Variants in SYNDIG1 observed in about 807,000 individuals in gnomAD.
SYNDIG1 encodes synapse differentiation inducing 1.
SYNDIG1 carries 9 observed loss-of-function variants against 19.4 expected under a neutral mutation model. The observed-to-expected ratio is 0.46, with a 90% CI of 0.28 to 0.81. The LOEUF is 0.81. Ranked by LOEUF, SYNDIG1 falls within the 30% of genes least tolerant of loss-of-function variation. The pLI is 0.12. For missense variants in SYNDIG1, 311 were observed against 343.3 expected, an observed-to-expected ratio of 0.91 and a Z score of 0.74; for synonymous variants, 141 against 145.9, an observed-to-expected ratio of 0.97 and a Z score of 0.24.
chr20:24,527,998 T>C (rs1417965713), intron 1 of SYNDIG1, among the ~76,000 whole-genome samples: 1 of 152,210 alleles, frequency 6.6e-6, no homozygotes, highest in African/African-American at 2.4e-5. Flanking sequence ...TTACTATTAC[T>C]GTTACTGTTG....
chr20:24,546,258 C>T (rs1600582537), intron 2 of SYNDIG1, among the ~76,000 whole-genome samples: 1 of 152,182 alleles, frequency 6.6e-6, no homozygotes, highest in African/African-American at 2.4e-5. Flanking sequence ...CATGCAGTAG[C>T]TGTTCTTTGG....
chr20:24,567,270 C>A (rs994867435), intron 2 of SYNDIG1, among the ~76,000 whole-genome samples: 4 of 152,208 alleles, frequency 2.6e-5, no homozygotes, highest in African/African-American at 9.7e-5. Flanking sequence ...TCCACACAGG[C>A]AGAGTAAACA....
chr20:24,532,778 C>T (rs1255720737), intron 1 of SYNDIG1, among the ~76,000 whole-genome samples: 2 of 152,258 alleles, frequency 1.3e-5, no homozygotes, highest in East Asian at 3.8e-4. Flanking sequence ...CTGGGGTCTT[C>T]TGCTCCATGA....
At chr20:24,611,987 T>C (rs2058855542) in intron 3 of SYNDIG1, among the ~76,000 whole-genome samples, 1 of 152,230 alleles carries the variant, frequency 6.6e-6, no homozygotes, top group Non-Finnish European at 1.5e-5. Flanking sequence ...TCCAGTTCCA[T>C]TGCATAGCTG....
At chr20:24,660,070 A>G (rs1293400666) in intron 3 of SYNDIG1, among the ~76,000 whole-genome samples, 2 of 152,036 alleles carry the variant, frequency 1.3e-5, no homozygotes, top group African/African-American at 4.8e-5. Flanking sequence ...TTTGTTCATC[A>G]CTGTGTCTCT....
chr20:24,621,022 G>A (rs1246824430), intron 3 of SYNDIG1, among the ~76,000 whole-genome samples: 1 of 152,190 alleles, frequency 6.6e-6, no homozygotes, highest in Non-Finnish European at 1.5e-5. Context: ...GGAGATAAAA[G>A]GGCTAAGAAT....
rs1271919094 is a variant in SYNDIG1, at chr20:24,542,159, A to G, written c.-78-861A>G. On this transcript the variant is annotated intron_variant, in intron 1 of 3. Transcript: ENST00000376862. ...ACTTAGTCATAATTTATGATACTCA[A>G]AATTGAAAAAATTCACTTCAATAAG... 2.1e-5 allele frequency among the ~76,000 whole-genome samples: 3 copies of G among 142,576 alleles called. No homozygotes were observed. In the Admixed American group the frequency reaches 2.2e-4, roughly 10 times the overall value. 93.5% of individuals were successfully genotyped at this position (142,576 alleles called of 152,430 possible). A position where few individuals can be genotyped will look rare whatever the true frequency, so the allele number is the denominator to read the frequency against.
At chr20:24,553,240 T>A (rs2057742205) in intron 2 of SYNDIG1, among the ~76,000 whole-genome samples, 1 of 152,058 alleles carries the variant, frequency 6.6e-6, no homozygotes, top group South Asian at 2.1e-4. Context: ...GTTGCGAAAA[T>A]TTTCTCCCAT....
chr20:24,489,826 C>T (rs372910348), intron 1 of SYNDIG1, among the ~76,000 whole-genome samples: 1 of 152,256 alleles, frequency 6.6e-6, no homozygotes, highest in Non-Finnish European at 1.5e-5. Flanking sequence ...ACTCGAGCAG[C>T]AAGTCAAGAA....
At chr20:24,632,414 A>G (rs751920500) in intron 3 of SYNDIG1, among the ~76,000 whole-genome samples, 26 of 151,970 alleles carry the variant, frequency 1.7e-4, no homozygotes, top group Admixed American at 3.3e-4. Flanking sequence ...TGAATTTTGT[A>G]TTTTCAGTAG....
intron 2 of SYNDIG1, among the ~76,000 whole-genome samples, chr20:24,557,009 T>C (rs181200117): frequency 2.3e-4 from 35 of 152,318 alleles, no homozygotes; most frequent in Admixed American, 1.9e-3. Flanking sequence ...TCATTTCTTT[T>C]TATTCTTTTT....
chr20:24,660,411 G>A lies in SYNDIG1; in HGVS notation c.619-4935G>A, dbSNP rs1048825257. On this transcript the variant is annotated intron_variant, in intron 3 of 3. Transcript: ENST00000376862. Reference sequence around the variant, plus strand: ...CACATTGTCTGTGACACTTCCTGTTGCCTCTTGGCCTTGCTGGAGGGTCCA... The same window carrying A: ...CACATTGTCTGTGACACTTCCTGTTACCTCTTGGCCTTGCTGGAGGGTCCA... Among the ~76,000 whole-genome samples the A allele has an allele frequency of 2.0e-5, 3 of 152,176 alleles. No individual in the cohort carries two copies. In the South Asian group the frequency reaches 6.2e-4, roughly 32 times the overall value.
chr20:24,489,664 T>A (rs1207120855), intron 1 of SYNDIG1, among the ~76,000 whole-genome samples: 1 of 152,060 alleles, frequency 6.6e-6, no homozygotes, highest in Non-Finnish European at 1.5e-5. Context: ...CACACACTTA[T>A]ATGGACACAG....
chr20:24,586,027 G>C (rs527588285), intron 3 of SYNDIG1, among the ~76,000 whole-genome samples: 1 of 152,358 alleles, frequency 6.6e-6, no homozygotes, highest in African/African-American at 2.4e-5. Flanking sequence ...TTTGTTGGAC[G>C]AGTGAGAGGA....
At chr20:24,595,918 G>A (rs1198403927) in intron 3 of SYNDIG1, among the ~76,000 whole-genome samples, 3 of 152,030 alleles carry the variant, frequency 2.0e-5, no homozygotes, top group African/African-American at 7.2e-5. Context: ...TTCTGGATTT[G>A]TTTATCTCTT....
At chr20:24,478,905 A>T (rs549404413) in intron 1 of SYNDIG1, among the ~76,000 whole-genome samples, 2 of 152,094 alleles carry the variant, frequency 1.3e-5, no homozygotes, top group Non-Finnish European at 1.5e-5. Context: ...ATCGGATTGA[A>T]CTCCGCAGGA....
At position 24,666,362 on chromosome 20, in the gene SYNDIG1, C is replaced by T. The variant is rs920011318; in HGVS notation, c.*858C>T. On this transcript the variant is annotated 3_prime_UTR_variant, in exon 4 of 4. Coordinates refer to ENST00000376862, the MANE Select transcript of SYNDIG1 (RefSeq NM_024893.3). ...CCCAATCACCGCGCTGGCGGATGCT[C>T]ACCCCGTCATAAGCAGAAACTAGTG... is the stretch of plus-strand genomic sequence containing the variant. The T allele has an allele frequency of 2.6e-5, 4 of 152,630 alleles. No homozygotes were observed. The highest frequency in any genetic ancestry group is 4.8e-5 in the African/African-American group (2 of 41,442). 9.5% of individuals were successfully genotyped at this position (152,630 alleles called of 1,614,324 possible).
At chr20:24,509,754 C>G (rs1600477143) in intron 1 of SYNDIG1, among the ~76,000 whole-genome samples, 1 of 152,210 alleles carries the variant, frequency 6.6e-6, no homozygotes, top group East Asian at 1.9e-4. Context: ...TGTTCTCTCT[C>G]ACAAATGCTG....
Position 24,627,150 on chromosome 20 carries a change from G to GAGAGCGAGAGCGAGAGC in SYNDIG1, c.619-38196_619-38195insAGAGCGAGAGCGAGAGC, listed in dbSNP as rs1568697901. 1.2e-4 allele frequency among the ~76,000 whole-genome samples: 17 copies of GAGAGCGAGAGCGAGAGC among 136,506 alleles called. No individual in the cohort carries two copies. In the Middle Eastern group the frequency reaches 0.016, roughly 126 times the overall value. The allele number at this position is 136,506 out of a possible 152,430, so 89.6% of individuals were successfully genotyped here. ...GGGAGAGGGAGAGGGAGAGGGAGAG[G>GAGAGCGAGAGCGAGAGC]GAGAGCGAGAGCGAGAGCGAGAGCG... On this transcript the variant is annotated intron_variant, in intron 3 of 3. Transcript: ENST00000376862.
Sources: gnomAD v4.1 joint callset for allele counts (sites outside exome capture counted in the v4.1 genomes callset) on GRCh38, gnomAD v4.1.1 for gene constraint, MANE v1.5 for transcripts, NCBI Gene and HGNC (gene_info 2026-07-23, HGNC 2026-07-21) for gene names.